SLC24A3: variants seen among roughly 807,000 people sequenced by gnomAD.
SLC24A3 encodes the protein solute carrier family 24 member 3.
Under a neutral mutation model 75.8 loss-of-function variants are expected in SLC24A3, and 28 were observed. The ratio of observed to expected loss-of-function variants is 0.37; its 90% confidence interval spans 0.27 to 0.51. SLC24A3 has a LOEUF of 0.51. Ranked by LOEUF, SLC24A3 falls within the 20% of genes least tolerant of loss-of-function variation. SLC24A3 has a pLI of 0.94. For missense variants in SLC24A3, 663 were observed against 847.8 expected, an observed-to-expected ratio of 0.78 and a Z score of 2.71; for synonymous variants, 372 against 334.1, an observed-to-expected ratio of 1.11 and a Z score of -1.24.
chr20:19,640,301 T>A (rs2032060982), intron 6 of SLC24A3, among the ~76,000 whole-genome samples: 1 of 115,574 alleles, frequency 8.7e-6, no homozygotes, highest in African/African-American at 3.1e-5. Context: ...TAAGGGTTAG[T>A]TTACTGACAC....
intron 3 of SLC24A3, among the ~76,000 whole-genome samples, chr20:19,552,476 A>T (rs1399507491): frequency 6.6e-6 from 1 of 152,216 alleles, no homozygotes; most frequent in Admixed American, 6.5e-5. Flanking sequence ...GGCCATCTAC[A>T]TAGAAGTTCA....
At chr20:19,621,287 G>T (rs1319613056) in intron 6 of SLC24A3, among the ~76,000 whole-genome samples, 1 of 152,130 alleles carries the variant, frequency 6.6e-6, no homozygotes, top group African/African-American at 2.4e-5. Context: ...ACTCAAAGCA[G>T]GCTCATTTCT....
intron 2 of SLC24A3, among the ~76,000 whole-genome samples, chr20:19,437,439 G>C (rs568239520): frequency 6.6e-6 from 1 of 152,334 alleles, no homozygotes; most frequent in East Asian, 1.9e-4. Flanking sequence ...CAGCCATGCG[G>C]AACTGTGAGT....
At chr20:19,718,605 C>G (rs1230659890) in intron 16 of SLC24A3, among the ~76,000 whole-genome samples, 4 of 152,148 alleles carry the variant, frequency 2.6e-5, no homozygotes, top group Non-Finnish European at 2.9e-5. Flanking sequence ...CCAGGGTGCA[C>G]AATCATAGCT....
At chr20:19,502,868 CAAAAAAAA>C (rs368651686) in intron 2 of SLC24A3, among the ~76,000 whole-genome samples, 5 of 72,208 alleles carry the variant, frequency 6.9e-5, no homozygotes, top group Admixed American at 1.8e-4. Flanking sequence ...CTGTCTCTAC[CAAAAAAAA>C]AAAAAAAAAA....
intron 1 of SLC24A3, among the ~76,000 whole-genome samples, chr20:19,239,411 G>A (rs1305651831): frequency 2.0e-5 from 3 of 152,224 alleles, no homozygotes; most frequent in Admixed American, 6.5e-5. Flanking sequence ...TCTCCCACAG[G>A]TGGGCTAGGA....
At chr20:19,346,883 A>G (rs1285285416) in intron 2 of SLC24A3, among the ~76,000 whole-genome samples, 3 of 152,204 alleles carry the variant, frequency 2.0e-5, no homozygotes, top group Non-Finnish European at 4.4e-5. Context: ...TTATATAAAG[A>G]TCACTGTTTA....
chr20:19,337,256 C>A (rs1197388335), intron 2 of SLC24A3, among the ~76,000 whole-genome samples: 1 of 152,068 alleles, frequency 6.6e-6, no homozygotes, highest in African/African-American at 2.4e-5. Flanking sequence ...ACCAGCCTGA[C>A]CAAAATGGAG....
chr20:19,464,236 A>G (rs1206207674), intron 2 of SLC24A3, among the ~76,000 whole-genome samples: 1 of 152,222 alleles, frequency 6.6e-6, no homozygotes, highest in Non-Finnish European at 1.5e-5. Context: ...CACTCCTGCC[A>G]CACAGCTCTG....
intron 6 of SLC24A3, among the ~76,000 whole-genome samples, chr20:19,646,859 G>A (rs924983713): frequency 6.6e-6 from 1 of 151,996 alleles, no homozygotes; most frequent in African/African-American, 2.4e-5. Context: ...GTGCGTGTGT[G>A]TGTGTGTGTG....
chr20:19,580,411 A>G (rs1600288623), intron 4 of SLC24A3, among the ~76,000 whole-genome samples: 1 of 150,706 alleles, frequency 6.6e-6, no homozygotes, highest in Non-Finnish European at 1.5e-5. Flanking sequence ...TACTTCCTCC[A>G]CCTCTCTCTC....
At chr20:19,221,812 G>T (rs1370483046) in intron 1 of SLC24A3, among the ~76,000 whole-genome samples, 3 of 152,158 alleles carry the variant, frequency 2.0e-5, no homozygotes, top group Non-Finnish European at 4.4e-5. Flanking sequence ...CTTCAATCAC[G>T]TCACAATTAT....
At chr20:19,664,557 C>T (rs576522580) in intron 7 of SLC24A3, among the ~76,000 whole-genome samples, 1 of 152,282 alleles carries the variant, frequency 6.6e-6, no homozygotes, top group East Asian at 1.9e-4. Context: ...TGACTGGTGC[C>T]CTGAGGTGTT....
At chr20:19,452,141 G>A (rs1171316562) in intron 2 of SLC24A3, among the ~76,000 whole-genome samples, 2 of 152,146 alleles carry the variant, frequency 1.3e-5, no homozygotes, top group Admixed American at 1.3e-4. Flanking sequence ...TATCCCACAA[G>A]TGCAGTAGTG....
At chr20:19,549,302 A>G (rs1157824283) in intron 3 of SLC24A3, among the ~76,000 whole-genome samples, 3 of 152,208 alleles carry the variant, frequency 2.0e-5, no homozygotes, top group Admixed American at 6.5e-5. Flanking sequence ...CTCTACCATG[A>G]CTGAATTTTA....
chr20:19,638,189 G>T (rs192535141), intron 6 of SLC24A3, among the ~76,000 whole-genome samples: 6 of 152,026 alleles, frequency 3.9e-5, no homozygotes, highest in Non-Finnish European at 8.8e-5. Context: ...TTCTGTTCCT[G>T]TGTTAGTTAG....
intron 15 of SLC24A3, among the ~76,000 whole-genome samples, chr20:19,707,963 C>T (rs917911163): frequency 1.3e-5 from 2 of 152,026 alleles, no homozygotes; most frequent in Non-Finnish European, 2.9e-5. Context: ...CAAGTAACAA[C>T]GTAAGAAGGT....
chr20:19,684,302 G>A lies in SLC24A3; in HGVS notation c.1028G>A (p.Arg343Gln), dbSNP rs746239436. Residue 343 changes from arginine (R) to glutamine (Q), a missense_variant, in exon 11 of 17, where the codon CGG becomes CAG. Coordinates refer to ENST00000328041, the MANE Select transcript of SLC24A3 (RefSeq NM_020689.4). ...MITSHFPPKT[R>Q]LSMASRMLIN... Reference sequence around the variant, plus strand: ...ACCAGCCACTTTCCCCCCAAGACCCGGCTCTCCATGGCCAGTCGCATGTTG... The same window carrying A: ...ACCAGCCACTTTCCCCCCAAGACCCAGCTCTCCATGGCCAGTCGCATGTTG... 2.5e-6 allele frequency: 4 copies of A among 1,613,802 alleles called. No individual in the cohort carries two copies. The highest frequency in any genetic ancestry group is 1.7e-6 in the Non-Finnish European group (2 of 1,179,980).
At chr20:19,541,158 A>G (rs2030488985) in intron 3 of SLC24A3, among the ~76,000 whole-genome samples, 1 of 152,240 alleles carries the variant, frequency 6.6e-6, no homozygotes. Context: ...TTACAGCAAG[A>G]TGTACCTTTC....
Sources: gnomAD v4.1 joint callset for allele counts (sites outside exome capture counted in the v4.1 genomes callset) on GRCh38, gnomAD v4.1.1 for gene constraint, MANE v1.5 for transcripts, NCBI Gene and HGNC (gene_info 2026-07-23, HGNC 2026-07-21) for gene names.